Variants in LYZL6 observed in about 807,000 individuals in gnomAD.
The protein encoded by LYZL6 is lysozyme-like protein 6.
In LYZL6, 21 loss-of-function variants were observed where a neutral mutation model predicts 15.0. That is an observed-to-expected ratio of 1.40 (90% CI 1.00 to 2.02). The LOEUF is 2.02. LYZL6 is among the 30% of genes most tolerant of loss of function. The pLI is 0.00. For missense variants in LYZL6, 173 were observed against 180.5 expected (o/e 0.96, Z 0.24); for synonymous variants, 72 against 67.8 (o/e 1.06, Z -0.31).
At chr17:35,940,106 G>A (rs137987242) in intron 1 of LYZL6, among the ~76,000 whole-genome samples, 67 of 152,150 alleles carry the variant, frequency 4.4e-4, no homozygotes, top group African/African-American at 1.3e-3. Flanking sequence ...GTGTGTGTGC[G>A]CGTGTGTGTG....
intron 3 of LYZL6, 115 bp from the exon 4 acceptor site, chr17:35,936,948 A>G: frequency 1.2e-6 from 1 of 856,344 alleles, no homozygotes; most frequent in Non-Finnish European, 1.9e-6. Flanking sequence ...CAGTTGAGGC[A>G]AAGGCTGTCT....
In LYZL6 at chr17:35,934,730, A is replaced by G. The variant is rs1438482368; in HGVS notation, c.*66T>C. The G allele has an allele frequency of 7.0e-7, 1 of 1,436,000 alleles. No individual in the cohort carries two copies. The highest frequency in any genetic ancestry group is 9.8e-7 in the Non-Finnish European group (1 of 1,023,208). 89.0% of individuals were successfully genotyped at this position (1,436,000 alleles called of 1,614,324 possible). On this transcript the variant is annotated 3_prime_UTR_variant, in exon 5 of 5. Coordinates refer to ENST00000615905, the MANE Select transcript of LYZL6 (RefSeq NM_020426.4). ...ATGAAGTGGAGGCAGTAGGAAGAAG[A>G]AATGAAGAATCCCTGAGTGAGGACA...
chr17:35,943,707 A>G lies in LYZL6; in HGVS notation c.-343T>C, dbSNP rs1307153664. 2.6e-5 allele frequency: 4 copies of G among 152,276 alleles called. No individual in the cohort carries two copies. The East Asian group carries it at 7.7e-4, about 29-fold the overall frequency. 9.4% of individuals were successfully genotyped at this position (152,276 alleles called of 1,614,324 possible). On this transcript the variant is annotated 5_prime_UTR_variant, in exon 1 of 5. The change abolishes an upstream ATG in the 5' untranslated region. Coordinates refer to ENST00000615905, the MANE Select transcript of LYZL6 (RefSeq NM_020426.4). Reference sequence around the variant, plus strand: ...AGCCCTGCCCAACTAACAGCTCTCCATGTTCTAAAGAAGGCTTCTGGAACC... The same window carrying G: ...AGCCCTGCCCAACTAACAGCTCTCCGTGTTCTAAAGAAGGCTTCTGGAACC...
chr17:35,936,631 C>T (rs902305753), intron 4 of LYZL6, 124 bp downstream of exon 4: 11 of 739,742 alleles, frequency 1.5e-5, no homozygotes, highest in South Asian at 6.6e-5. Context: ...CAAGCCCGTC[C>T]GCTATCCCAC....
chr17:35,940,386 G>A (rs917635912), intron 1 of LYZL6, among the ~76,000 whole-genome samples: 15 of 152,150 alleles, frequency 9.9e-5, no homozygotes, highest in Admixed American at 2.0e-4. Context: ...GGATTATCTT[G>A]CTGTACAAGA....
chr17:35,936,967 G>C, intron 3 of LYZL6, 134 bp from the exon 4 acceptor site: 1 of 729,512 alleles, frequency 1.4e-6, no homozygotes, highest in East Asian at 2.6e-5. Context: ...CTCCCAGGGG[G>C]CCCATTTAGA....
chr17:35,937,763 C>G lies in LYZL6; in HGVS notation c.293G>C (p.Cys98Ser), dbSNP rs908502920. ...SYSENLCHVD[C>S]QDLLNPNLLA... ...CCCTGGGGCCCTGGCCAGACCTTGA[C>G]AGTCTACGTGGCAAAGGTTTTCCGA... is the stretch of plus-strand genomic sequence containing the variant. Residue 98 changes from cysteine (C) to serine (S), a missense_variant, in exon 3 of 5, where the codon TGT becomes TCT. By Grantham distance (112) the Cys-to-Ser change is moderately radical. Transcript: ENST00000615905. 1 of 1,613,928 alleles carries G rather than the reference C, an allele frequency of 6.2e-7. No homozygotes were observed. The highest frequency in any genetic ancestry group is 8.5e-7 in the Non-Finnish European group (1 of 1,179,958).
At chr17:35,938,645 A>AC (rs1463431593) in intron 2 of LYZL6, among the ~76,000 whole-genome samples, 1 of 150,966 alleles carries the variant, frequency 6.6e-6, no homozygotes, top group Non-Finnish European at 1.5e-5. Context: ...TACCTAAAAA[A>AC]CCCACAAAGC....
chr17:35,937,843 G>A lies in LYZL6; in HGVS notation c.213C>T (p.Asp71=), dbSNP rs751290900. The change falls in exon 3 of 5, where the codon GAC becomes GAT. Residue 71 remains aspartate, a synonymous_variant. Transcript: ENST00000615905. ...GGCTGTTGATCTGGAAGAGGCCATA[G>A]TCAAAGCTTCCGTCTGCATTTTCAT... The part of the protein sequence containing the change: ...KINENADGSF[D]YGLFQINSHY... The A allele has an allele frequency of 6.2e-7, 1 of 1,614,106 alleles. No individual in the cohort carries two copies. Among genetic ancestry groups the A allele is most frequent in the Non-Finnish European group, 8.5e-7 (1 of 1,179,976 alleles).
chr17:35,942,032 G>T (rs1394082168), intron 1 of LYZL6, among the ~76,000 whole-genome samples: 1 of 119,620 alleles, frequency 8.4e-6, no homozygotes, highest in Non-Finnish European at 1.9e-5. Context: ...GATTCCCAAG[G>T]AGGACACATC....
intron 2 of LYZL6, 110 bp downstream of exon 2, chr17:35,939,108 G>T (rs938178532): frequency 2.3e-6 from 3 of 1,318,216 alleles, no homozygotes; most frequent in African/African-American, 2.9e-5. Flanking sequence ...TTTTGAAGGG[G>T]GCTGCTTTTT....
At chr17:35,935,854 C>T (rs2089367456) in intron 4 of LYZL6, among the ~76,000 whole-genome samples, 3 of 150,548 alleles carry the variant, frequency 2.0e-5, no homozygotes, top group Non-Finnish European at 4.4e-5. Context: ...CATTCTGCCG[C>T]CCAGGCTGGA....
At chr17:35,942,807 G>T (rs34592370) in intron 1 of LYZL6, among the ~76,000 whole-genome samples, 17,413 of 152,064 alleles carry the variant, frequency 0.11, 1,095 homozygotes, top group East Asian at 0.25. Flanking sequence ...CTTTAGGCGC[G>T]CTAAGATAGG....
At chr17:35,934,970 C>T in intron 4 of LYZL6, 105 bp from the exon 5 acceptor site, 6 of 1,012,154 alleles carry the variant, frequency 5.9e-6, no homozygotes, top group Non-Finnish European at 9.0e-6. Context: ...CCCAGAATCC[C>T]CGTCATTGCT....
chr17:35,936,932 G>T, intron 3 of LYZL6, 99 bp from the exon 4 acceptor site: 1 of 1,024,618 alleles, frequency 9.8e-7, no homozygotes, highest in Non-Finnish European at 1.5e-6. Flanking sequence ...GCCACCTAGA[G>T]GCTTCCAGTT....
intron 2 of LYZL6, 79 bp from the exon 3 acceptor site, chr17:35,937,995 A>C: frequency 7.0e-7 from 1 of 1,430,714 alleles, no homozygotes; most frequent in Non-Finnish European, 9.6e-7. Flanking sequence ...AAAGGGAGGC[A>C]AGGTTTCAGA....
intron 1 of LYZL6, among the ~76,000 whole-genome samples, chr17:35,942,352 C>T (rs967586155): frequency 3.3e-5 from 5 of 152,184 alleles, no homozygotes; most frequent in Admixed American, 2.6e-4. Context: ...ATTTCTGTCA[C>T]TGAGGGAAGG....
chr17:35,934,866 C>T lies in LYZL6; in HGVS notation c.378-1G>A. ...TGAACAGTGCAACCTCCATTCTACC[C>T]TGCGGAGAAAAAAGACATGGTTCTT... is the stretch of plus-strand genomic sequence containing the variant. On this transcript the variant is annotated splice_acceptor_variant, in intron 4 of 4. Transcript: ENST00000615905. LOFTEE classifies it high-confidence loss of function. The T allele has an allele frequency of 6.2e-7, 1 of 1,614,048 alleles. No individual in the cohort carries two copies. Among genetic ancestry groups the T allele is most frequent in the Non-Finnish European group, 8.5e-7 (1 of 1,179,970 alleles).
At chr17:35,940,686 A>G (rs191120180) in intron 1 of LYZL6, among the ~76,000 whole-genome samples, 1 of 151,986 alleles carries the variant, frequency 6.6e-6, no homozygotes, top group East Asian at 1.9e-4. Flanking sequence ...CCACCTCCCA[A>G]CCCCTGGCAA....
Sources: gnomAD v4.1 joint callset for allele counts (sites outside exome capture counted in the v4.1 genomes callset) on GRCh38, gnomAD v4.1.1 for gene constraint, MANE v1.5 for transcripts, NCBI Gene and HGNC (gene_info 2026-07-23, HGNC 2026-07-21) for gene names.